The following MGAT5 variants were observed in gnomAD, a reference collection of about 807,000 sequenced individuals.
MGAT5 encodes the protein alpha-1,6-mannosylglycoprotein 6-beta-N-acetylglucosaminyltransferase A.
A neutral mutation model predicts 94.3 loss-of-function variants in MGAT5; 30 were observed. The ratio of observed to expected loss-of-function variants is 0.32; its 90% CI spans 0.24 to 0.43. MGAT5 has a LOEUF of 0.43. Among genes scored for constraint, MGAT5 ranks in the 20% least tolerant of loss-of-function variants. MGAT5 has a pLI of 1.00. For synonymous variants in MGAT5, 310 were observed against 322.9 expected (o/e 0.96, Z 0.43); for missense variants, 691 against 905.5 (o/e 0.76, Z 3.04).
intron 10 of MGAT5, among the ~76,000 whole-genome samples, chr2:134,375,237 G>C (rs77695075): frequency 1.3e-5 from 2 of 152,154 alleles, no homozygotes; most frequent in Non-Finnish European, 2.9e-5. Flanking sequence ...AGAGGTAAAG[G>C]TTCCTCAGGT....
In MGAT5 at chr2:134,392,712, G is replaced by A. The variant is rs1335300711; in HGVS notation, c.1381-10276G>A. On this transcript the variant is annotated intron_variant, in intron 10 of 15. Coordinates refer to ENST00000281923, the MANE Select transcript of MGAT5 (RefSeq NM_002410.5). ...ACACATCCATCATCATGAAGCCATGGGTATTAATGCATATGGCATGGGGCT... is the reference window on the plus strand; with the variant it reads ...ACACATCCATCATCATGAAGCCATGAGTATTAATGCATATGGCATGGGGCT... Among the ~76,000 whole-genome samples, 3 of 152,338 alleles carry A rather than the reference G, an allele frequency of 2.0e-5. No individual in the cohort carries two copies. The East Asian group carries it at 5.8e-4, about 29-fold the overall frequency.
chr2:134,233,011 A>G (rs1351074812), intron 1 of MGAT5, among the ~76,000 whole-genome samples: 1 of 152,252 alleles, frequency 6.6e-6, no homozygotes, highest in Non-Finnish European at 1.5e-5. Context: ...AAACTGCCAC[A>G]ACAGGTTTTA....
At chr2:134,147,098 CTT>C (rs1686955340) in intron 1 of MGAT5, among the ~76,000 whole-genome samples, 1 of 145,760 alleles carries the variant, frequency 6.9e-6, no homozygotes, top group Admixed American at 8.1e-5. Context: ...CTCTCGCTCT[CTT>C]TCTTTTTTCC....
chr2:134,167,038 G>A (rs895927542), intron 1 of MGAT5, among the ~76,000 whole-genome samples: 6 of 152,156 alleles, frequency 3.9e-5, no homozygotes, highest in Admixed American at 1.3e-4. Flanking sequence ...GGGTCTCAAA[G>A]GATACATTAC....
At chr2:134,257,707 C>CATTGTGTG (rs1558737670) in intron 1 of MGAT5, among the ~76,000 whole-genome samples, 1 of 152,090 alleles carries the variant, frequency 6.6e-6, no homozygotes, top group Non-Finnish European at 1.5e-5. Context: ...GTATCAGTAA[C>CATTGTGTG]ATTGTGTGAC....
chr2:134,257,599 C>G (rs1207683774), intron 1 of MGAT5, among the ~76,000 whole-genome samples: 1 of 152,140 alleles, frequency 6.6e-6, no homozygotes, highest in Non-Finnish European at 1.5e-5. Flanking sequence ...TTGGATTGAA[C>G]AAGAGGATTG....
chr2:134,291,903 T>C (rs1685389091), intron 2 of MGAT5, among the ~76,000 whole-genome samples: 1 of 152,200 alleles, frequency 6.6e-6, no homozygotes, highest in Non-Finnish European at 1.5e-5. Context: ...TCTCCCTTTA[T>C]ATCGGCAGTC....
chr2:134,423,629 G>T (rs1684419359), intron 13 of MGAT5, among the ~76,000 whole-genome samples: 1 of 152,180 alleles, frequency 6.6e-6, no homozygotes, highest in South Asian at 2.1e-4. Flanking sequence ...ACACTTAGTT[G>T]CGATGCTTTA....
In MGAT5 at chr2:134,262,839, T is replaced by A. The variant is rs553650637; in HGVS notation, c.242-7547T>A. ...GGCTTCAGCAACCTGTTTATGTAGCTATTCTTAGCATTTACAGGGGTAGAG... is the reference window on the plus strand; with the variant it reads ...GGCTTCAGCAACCTGTTTATGTAGCAATTCTTAGCATTTACAGGGGTAGAG... On this transcript the variant is annotated intron_variant, in intron 1 of 15. Transcript: ENST00000281923. 2.6e-5 allele frequency among the ~76,000 whole-genome samples: 4 copies of A among 152,366 alleles called. No individual in the cohort carries two copies. In the South Asian group the frequency reaches 8.3e-4, roughly 32 times the overall value.
intron 8 of MGAT5, among the ~76,000 whole-genome samples, chr2:134,349,372 A>C (rs949933459): frequency 6.6e-6 from 1 of 152,192 alleles, no homozygotes; most frequent in Non-Finnish European, 1.5e-5. Flanking sequence ...TCCTAGAGAT[A>C]ACACGTGTCA....
intron 2 of MGAT5, among the ~76,000 whole-genome samples, chr2:134,295,395 G>T (rs990690041): frequency 1.3e-5 from 2 of 152,154 alleles, no homozygotes; most frequent in African/African-American, 4.8e-5. Context: ...GGAAAATGTG[G>T]TATCTTAGGA....
chr2:134,161,790 G>A (rs971153654), intron 1 of MGAT5, among the ~76,000 whole-genome samples: 1 of 152,068 alleles, frequency 6.6e-6, no homozygotes, highest in Non-Finnish European at 1.5e-5. Context: ...TTTTTTAAAT[G>A]AGTAATAGTA....
intron 4 of MGAT5, among the ~76,000 whole-genome samples, chr2:134,334,522 A>ATTTTTT (rs1688220960): frequency 1.9e-5 from 2 of 104,856 alleles, no homozygotes; most frequent in Non-Finnish European, 1.7e-5. Context: ...TTTTTTTTGC[A>ATTTTTT]GGGTTGGGGG....
At chr2:134,317,464 C>A in intron 2 of MGAT5, 65 bp from the exon 3 acceptor site, 1 of 1,251,654 alleles carries the variant, frequency 8.0e-7, no homozygotes, top group Non-Finnish European at 1.1e-6. Flanking sequence ...TCTTGGCTTA[C>A]AAGAATGTTA....
At chr2:134,155,577 G>A (rs1687435606) in intron 1 of MGAT5, among the ~76,000 whole-genome samples, 1 of 152,134 alleles carries the variant, frequency 6.6e-6, no homozygotes, top group South Asian at 2.1e-4. Context: ...AGTAAGTACT[G>A]GAAAAAATGT....
chr2:134,161,899 A>G (rs1018706248), intron 1 of MGAT5, among the ~76,000 whole-genome samples: 1 of 152,128 alleles, frequency 6.6e-6, no homozygotes, highest in Non-Finnish European at 1.5e-5. Flanking sequence ...GAATGAGAAT[A>G]CACATGTTTG....
chr2:134,337,956 A>G (rs1019124811), intron 5 of MGAT5, among the ~76,000 whole-genome samples: 8 of 152,198 alleles, frequency 5.3e-5, no homozygotes, highest in Non-Finnish European at 8.8e-5. Flanking sequence ...TTCAAGGTAC[A>G]TCAACCATAC....
At chr2:134,143,807 A>G (rs1046708308) in intron 1 of MGAT5, among the ~76,000 whole-genome samples, 4 of 152,216 alleles carry the variant, frequency 2.6e-5, no homozygotes, top group Admixed American at 6.5e-5. Context: ...TTCTGGTACT[A>G]TTGAACCGCC....
intron 8 of MGAT5, among the ~76,000 whole-genome samples, chr2:134,349,583 GA>G (rs1679234252): frequency 6.6e-6 from 1 of 152,194 alleles, no homozygotes; most frequent in African/African-American, 2.4e-5. Context: ...TACCCGATCT[GA>G]AGCAAATCGT....
Sources: allele counts gnomAD v4.1 joint callset (sites outside exome capture counted in the v4.1 genomes callset), GRCh38; gene constraint gnomAD v4.1.1; transcripts MANE v1.5; gene names NCBI Gene and HGNC (gene_info 2026-07-23, HGNC 2026-07-21).